The following IL1RAPL2 variants were observed in gnomAD, a reference collection of about 807,000 sequenced individuals.
IL1RAPL2 encodes the protein X-linked interleukin-1 receptor accessory protein-like 2.
Under a neutral mutation model 44.1 loss-of-function variants are expected in IL1RAPL2, and 3 were observed. The observed-to-expected ratio is 0.07, with a 90% CI of 0.03 to 0.18. The LOEUF is 0.18. Among genes scored for constraint, IL1RAPL2 ranks in the 10% least tolerant of loss-of-function variants. The pLI is 1.00. For synonymous variants in IL1RAPL2, 181 were observed against 178.8 expected, an observed-to-expected ratio of 1.01 and a Z score of -0.10; for missense variants, 391 against 496.4, an observed-to-expected ratio of 0.79 and a Z score of 2.02.
Position 104,871,045 on chromosome X carries a change from C to T in IL1RAPL2, c.82+212050C>T, listed in dbSNP as rs187283108. ...AGCATTTTCAGATCTCCCCAAAAGA[C>T]AAACATATAAAGAAAAAGTCAAATT... On this transcript the variant is annotated intron_variant, in intron 2 of 10. Transcript: ENST00000372582. 7.2e-5 allele frequency among the ~76,000 whole-genome samples: 8 copies of T among 110,515 alleles called. 1 individual carries two copies. The highest frequency in any genetic ancestry group is 2.3e-4 in the African/African-American group (7 of 30,489).
chrX:104,944,960 A>G (rs1925304323), intron 2 of IL1RAPL2, among the ~76,000 whole-genome samples: 1 of 111,781 alleles, frequency 8.9e-6, no homozygotes, highest in South Asian at 3.7e-4. Context: ...AATGGTGATA[A>G]GACCTACTTT....
chrX:105,245,993 G>T (rs1183348611), intron 4 of IL1RAPL2, among the ~76,000 whole-genome samples: 2 of 112,566 alleles, frequency 1.8e-5, no homozygotes, highest in Non-Finnish European at 3.8e-5. Flanking sequence ...CATTCATTCA[G>T]CACATATGTA....
At chrX:104,837,993 A>G (rs1921788758) in intron 2 of IL1RAPL2, among the ~76,000 whole-genome samples, 1 of 111,489 alleles carries the variant, frequency 9.0e-6, no homozygotes, top group Non-Finnish European at 1.9e-5. Context: ...CAGTCATTTA[A>G]CCATTGCTTG....
chrX:105,079,906 G>A (rs190058302), intron 2 of IL1RAPL2, among the ~76,000 whole-genome samples: 1 of 111,758 alleles, frequency 8.9e-6, no homozygotes, highest in Non-Finnish European at 1.9e-5. Flanking sequence ...AATGGTATGA[G>A]ATGGTATCTC....
intron 2 of IL1RAPL2, among the ~76,000 whole-genome samples, chrX:104,928,058 G>A (rs1450076148): frequency 1.8e-5 from 2 of 111,230 alleles, no homozygotes; most frequent in Non-Finnish European, 1.9e-5. Context: ...GTATTTATGG[G>A]GTATGTGAGA....
At chrX:104,930,709 G>T (rs139674701) in intron 2 of IL1RAPL2, among the ~76,000 whole-genome samples, 1 of 111,589 alleles carries the variant, frequency 9.0e-6, no homozygotes, top group African/African-American at 3.3e-5. Flanking sequence ...TATAATGATA[G>T]ATAACATTTA....
intron 4 of IL1RAPL2, among the ~76,000 whole-genome samples, chrX:105,251,563 G>A (rs1392263896): frequency 9.6e-6 from 1 of 104,153 alleles, no homozygotes; most frequent in Admixed American, 1.0e-4. Context: ...CCTAGATATG[G>A]CATTAGAAGT....
chrX:105,644,767 GC>G (rs889677058), intron 6 of IL1RAPL2, among the ~76,000 whole-genome samples: 2 of 109,285 alleles, frequency 1.8e-5, no homozygotes, highest in Non-Finnish European at 3.8e-5. Flanking sequence ...AGCCTCCCAT[GC>G]CCCCCCAACA....
chrX:105,386,511 T>C (rs147149602), intron 5 of IL1RAPL2, among the ~76,000 whole-genome samples: 2,539 of 111,696 alleles, frequency 0.023, 60 homozygotes, highest in Admixed American at 0.1. Context: ...AGTACTACTT[T>C]GTGACAATAT....
chrX:105,751,008 A>C (rs1450667484), intron 9 of IL1RAPL2, among the ~76,000 whole-genome samples: 2 of 111,705 alleles, frequency 1.8e-5, no homozygotes, highest in Non-Finnish European at 3.8e-5. Context: ...ACAGTAGCTC[A>C]CAAAATCTCA....
At chrX:105,242,571 A>G (rs782107297) in intron 4 of IL1RAPL2, among the ~76,000 whole-genome samples, 8 of 111,842 alleles carry the variant, frequency 7.2e-5, no homozygotes, top group Non-Finnish European at 1.3e-4. Flanking sequence ...TAGGCAACAA[A>G]TTTGTATTTC....
chrX:105,260,163 G>A (rs956457485), intron 4 of IL1RAPL2, among the ~76,000 whole-genome samples: 4 of 112,181 alleles, frequency 3.6e-5, no homozygotes, highest in African/African-American at 1.3e-4. Context: ...GCTACATTTT[G>A]GTAGAGCAGC....
intron 6 of IL1RAPL2, among the ~76,000 whole-genome samples, chrX:105,555,179 T>C (rs749332322): frequency 9.1e-6 from 1 of 109,685 alleles, no homozygotes; most frequent in South Asian, 4.0e-4. Context: ...TTTATTTCTA[T>C]TTCTCTGAGT....
chrX:105,221,461 C>A (rs1207080738), intron 3 of IL1RAPL2, among the ~76,000 whole-genome samples: 1 of 108,867 alleles, frequency 9.2e-6, no homozygotes, highest in African/African-American at 3.3e-5. Context: ...GTACTCAGAA[C>A]CAGAAGAGTT....
intron 2 of IL1RAPL2, among the ~76,000 whole-genome samples, chrX:104,716,127 A>G (rs1356849454): frequency 1.8e-5 from 2 of 110,804 alleles, no homozygotes; most frequent in Non-Finnish European, 3.8e-5. Context: ...CAGAAATAAG[A>G]CCACACACAA....
At chrX:105,210,652 G>T (rs1021953994) in intron 3 of IL1RAPL2, among the ~76,000 whole-genome samples, 1 of 111,718 alleles carries the variant, frequency 9.0e-6, no homozygotes, top group Non-Finnish European at 1.9e-5. Context: ...CCCTGCCCTA[G>T]AAGGATATAG....
chrX:105,722,667 AT>A (rs943830508), intron 7 of IL1RAPL2, among the ~76,000 whole-genome samples: 3 of 112,000 alleles, frequency 2.7e-5, no homozygotes, highest in Non-Finnish European at 5.6e-5. Context: ...AACAAAATTT[AT>A]TTCTGGATGC....
chrX:104,727,986 T>G lies in IL1RAPL2; in HGVS notation c.82+68991T>G, dbSNP rs1328256297. ...GGGAAGGTAGTGAGGGATGAGAAAT[T>G]ACTTAATGGGTAGAATGTTCACTCT... On this transcript the variant is annotated intron_variant, in intron 2 of 10. Coordinates refer to ENST00000372582, the MANE Select transcript of IL1RAPL2 (RefSeq NM_017416.2). Among the ~76,000 whole-genome samples, 4 of 110,564 alleles carry G rather than the reference T, an allele frequency of 3.6e-5. No homozygotes were observed. The East Asian group carries it at 1.1e-3, about 31-fold the overall frequency.
intron 2 of IL1RAPL2, among the ~76,000 whole-genome samples, chrX:104,681,256 C>G (rs1420920611): frequency 8.9e-6 from 1 of 112,055 alleles, no homozygotes; most frequent in Non-Finnish European, 1.9e-5. Flanking sequence ...ACATCAAATA[C>G]AGAAAAACTT....
Sources: allele counts gnomAD v4.1 joint callset (sites outside exome capture counted in the v4.1 genomes callset), GRCh38; gene constraint gnomAD v4.1.1; transcripts MANE v1.5; gene names NCBI Gene and HGNC (gene_info 2026-07-23, HGNC 2026-07-21).